Variants in VSTM4 observed in about 807,000 individuals in gnomAD.
The protein encoded by VSTM4 is V-set and transmembrane domain containing 4.
Under a neutral mutation model 36.4 loss-of-function variants are expected in VSTM4, and 20 were observed. The ratio of observed to expected loss-of-function variants is 0.55; its 90% CI spans 0.39 to 0.80. VSTM4 has a LOEUF of 0.80. Among genes scored for constraint, VSTM4 ranks in the 30% least tolerant of loss-of-function variants. The pLI is 0.00. For synonymous variants in VSTM4, 182 were observed against 173.9 expected, an observed-to-expected ratio of 1.05 and a Z score of -0.37; for missense variants, 392 against 404.5, an observed-to-expected ratio of 0.97 and a Z score of 0.26.
In VSTM4 at chr10:49,096,622, CGTGTGTGTGTGT is replaced by C. The variant is rs57143308; in HGVS notation, c.458-10611_458-10600del. On this transcript the variant is annotated intron_variant, in intron 2 of 7. Transcript: ENST00000332853. ...ATTGGGTTGAAAAGCCATTGAAGAC[CGTGTGTGTGTGT>C]GTGTGTGTGTGTGTGTGTGTGTGTG... Among the ~76,000 whole-genome samples the C allele has an allele frequency of 1.8e-3, 218 of 122,572 alleles. 3 individuals carry two copies. Among genetic ancestry groups the C allele is most frequent in the African/African-American group, 6.0e-3 (175 of 28,950 alleles). 80.4% of individuals were successfully genotyped at this position (122,572 alleles called of 152,430 possible).
intron 5 of VSTM4, among the ~76,000 whole-genome samples, chr10:49,061,638 C>T (rs1227299441): frequency 1.3e-5 from 2 of 152,190 alleles, no homozygotes; most frequent in Non-Finnish European, 2.9e-5. Context: ...TGTCCATCTT[C>T]GCCTCTAGTA....
At chr10:49,104,886 AAG>A (rs10572484) in intron 2 of VSTM4, among the ~76,000 whole-genome samples, 41,332 of 144,854 alleles carry the variant, frequency 0.29, 6,744 homozygotes, top group African/African-American at 0.47. Flanking sequence ...CAGAGATACA[AAG>A]AGAGAGAGAG....
chr10:49,090,862 G>A (rs1025623633), intron 2 of VSTM4, among the ~76,000 whole-genome samples: 2 of 152,108 alleles, frequency 1.3e-5, no homozygotes, highest in Admixed American at 1.3e-4. Context: ...TGCCTCTCAC[G>A]GAGCCCCACC....
At chr10:49,099,005 T>C (rs1844621385) in intron 2 of VSTM4, among the ~76,000 whole-genome samples, 1 of 152,248 alleles carries the variant, frequency 6.6e-6, no homozygotes. Context: ...CTCAATAGAA[T>C]GGATCCTGTC....
chr10:49,046,367 G>A (rs1396732640), intron 7 of VSTM4, among the ~76,000 whole-genome samples: 1 of 152,216 alleles, frequency 6.6e-6, no homozygotes, highest in Non-Finnish European at 1.5e-5. Context: ...TGGAAAGCAA[G>A]GAGATGTAAC....
intron 2 of VSTM4, among the ~76,000 whole-genome samples, chr10:49,093,208 C>T (rs1315082898): frequency 1.3e-5 from 2 of 152,140 alleles, no homozygotes; most frequent in African/African-American, 4.8e-5. Context: ...CCCCATAACA[C>T]ATGCCCACTG....
At chr10:49,024,505 A>G (rs1479022948) in intron 7 of VSTM4, among the ~76,000 whole-genome samples, 1 of 152,244 alleles carries the variant, frequency 6.6e-6, no homozygotes, top group Non-Finnish European at 1.5e-5. Flanking sequence ...TGGGGCTGAC[A>G]GCAGATCATG....
Position 49,115,509 on chromosome 10 carries a change from T to C in VSTM4, c.-24A>G. ...ATCTCCCCGCCGCCGCCCGGCGCTGTGACGCGGGAGAGCGCCGCCGCCTGG... is the reference window on the plus strand; with the variant it reads ...ATCTCCCCGCCGCCGCCCGGCGCTGCGACGCGGGAGAGCGCCGCCGCCTGG... On this transcript the variant is annotated 5_prime_UTR_variant, in exon 1 of 8. Coordinates refer to ENST00000332853, the MANE Select transcript of VSTM4 (RefSeq NM_001031746.5). The C allele has an allele frequency of 8.1e-6, 8 of 986,680 alleles. No individual in the cohort carries two copies. Among genetic ancestry groups the C allele is most frequent in the Non-Finnish European group, 9.6e-6 (8 of 832,956 alleles). The allele number at this position is 986,680 out of a possible 1,614,324, so 61.1% of individuals were successfully genotyped here. A position where few individuals can be genotyped will look rare whatever the true frequency, so the allele number is the denominator to read the frequency against.
intron 1 of VSTM4, among the ~76,000 whole-genome samples, chr10:49,114,512 T>A (rs12776553): frequency 0.46 from 69,140 of 151,904 alleles, 16,490 homozygotes; most frequent in African/African-American, 0.61. Flanking sequence ...TGAGCCTCAG[T>A]TTCCTCATCT....
intron 4 of VSTM4, among the ~76,000 whole-genome samples, chr10:49,068,558 C>A (rs560075431): frequency 6.6e-6 from 1 of 152,244 alleles, no homozygotes; most frequent in South Asian, 2.1e-4. Flanking sequence ...CCCACAGGAT[C>A]AAAAGTGATT....
chr10:49,063,673 G>A (rs1414835009), intron 5 of VSTM4, among the ~76,000 whole-genome samples: 1 of 152,180 alleles, frequency 6.6e-6, no homozygotes, highest in Non-Finnish European at 1.5e-5. Context: ...CTGCCAGAGG[G>A]GACAGAGAGA....
intron 1 of VSTM4, among the ~76,000 whole-genome samples, chr10:49,111,443 A>C (rs1418593527): frequency 6.6e-6 from 1 of 152,116 alleles, no homozygotes; most frequent in Non-Finnish European, 1.5e-5. Context: ...ATGACAGTCC[A>C]TGCATGCCCA....
intron 1 of VSTM4, 112 bp downstream of exon 1, chr10:49,115,319 G>T (rs1269916929): frequency 6.9e-6 from 5 of 720,362 alleles, no homozygotes; most frequent in Non-Finnish European, 8.5e-6. Context: ...GCCGCCCCCC[G>T]CCCGCGCCCG....
chr10:49,105,332 G>A (rs111209284), intron 2 of VSTM4, among the ~76,000 whole-genome samples: 4,422 of 102,288 alleles, frequency 0.043, 243 homozygotes, highest in African/African-American at 0.17. Flanking sequence ...AGAGAGACGG[G>A]GGGGGGAGAG....
intron 3 of VSTM4, among the ~76,000 whole-genome samples, chr10:49,085,441 C>A (rs1319157748): frequency 6.6e-6 from 1 of 152,222 alleles, no homozygotes; most frequent in Admixed American, 6.5e-5. Context: ...ACTCCTTAAG[C>A]AACCTGAAAT....
chr10:49,100,539 A>C (rs1844647898), intron 2 of VSTM4, among the ~76,000 whole-genome samples: 1 of 152,168 alleles, frequency 6.6e-6, no homozygotes, highest in Non-Finnish European at 1.5e-5. Context: ...TATAATAAAA[A>C]TGTTCGAGAG....
At chr10:49,027,578 T>G (rs1446888199) in intron 7 of VSTM4, among the ~76,000 whole-genome samples, 2 of 152,210 alleles carry the variant, frequency 1.3e-5, no homozygotes, top group Non-Finnish European at 2.9e-5. Context: ...CCATCACCCC[T>G]GCATGCCACC....
At chr10:49,106,472 G>A (rs1282921529) in intron 2 of VSTM4, among the ~76,000 whole-genome samples, 1 of 152,222 alleles carries the variant, frequency 6.6e-6, no homozygotes, top group Admixed American at 6.5e-5. Flanking sequence ...CCCAAAATAT[G>A]GCACTTGGTA....
intron 2 of VSTM4, among the ~76,000 whole-genome samples, chr10:49,101,743 A>G (rs1765797119): frequency 6.6e-6 from 1 of 152,216 alleles, no homozygotes; most frequent in Non-Finnish European, 1.5e-5. Flanking sequence ...TTCCCTTTCC[A>G]GGAATCTAAC....
Sources: gnomAD v4.1 joint callset for allele counts (sites outside exome capture counted in the v4.1 genomes callset) on GRCh38, gnomAD v4.1.1 for gene constraint, MANE v1.5 for transcripts, NCBI Gene and HGNC (gene_info 2026-07-23, HGNC 2026-07-21) for gene names.